ANO10: variants seen among roughly 807,000 people sequenced by gnomAD.
The protein encoded by ANO10 is anoctamin-10.
Under a neutral mutation model 74.7 loss-of-function variants are expected in ANO10, and 77 were observed. The observed-to-expected ratio is 1.03, with a 90% confidence interval of 0.86 to 1.25. The LOEUF (loss-of-function observed/expected upper bound fraction) is 1.25. ANO10 is among the 50% of genes most tolerant of loss of function. ANO10 has a pLI of 0.00. For synonymous variants in ANO10, 279 were observed against 284.9 expected (o/e 0.98, Z 0.21); for missense variants, 721 against 778.1 (o/e 0.93, Z 0.87).
chr3:43,689,411 T>G (rs1226305338), intron 1 of ANO10: 6 of 152,254 alleles, frequency 3.9e-5, no homozygotes, highest in Admixed American at 1.3e-4. Flanking sequence ...CTTTAGTTTC[T>G]CAGCTCCTTC....
At chr3:43,613,178 A>G (rs995806796) in intron 1 of ANO10, among the ~76,000 whole-genome samples, 1 of 152,164 alleles carries the variant, frequency 6.6e-6, no homozygotes, top group African/African-American at 2.4e-5. Flanking sequence ...TCTCAAAAAA[A>G]AAAAAAATCA....
At chr3:43,431,106 T>C (rs2092973662) in intron 12 of ANO10, among the ~76,000 whole-genome samples, 1 of 151,466 alleles carries the variant, frequency 6.6e-6, no homozygotes, top group African/African-American at 2.4e-5. Context: ...AAGGTCTCAC[T>C]CTGTTACCCA....
At chr3:43,531,350 T>C (rs189064849) in intron 11 of ANO10, among the ~76,000 whole-genome samples, 17 of 152,334 alleles carry the variant, frequency 1.1e-4, no homozygotes, top group Admixed American at 8.5e-4. Flanking sequence ...TAGTGGCTTA[T>C]AAATTATTCC....
intron 12 of ANO10, among the ~76,000 whole-genome samples, chr3:43,417,986 A>G (rs2092766690): frequency 6.6e-6 from 1 of 152,160 alleles, no homozygotes; most frequent in Non-Finnish European, 1.5e-5. Flanking sequence ...GTGGTAAAGA[A>G]TTGTAAGGAA....
At chr3:43,381,791 T>C (rs1575612088) in intron 12 of ANO10, among the ~76,000 whole-genome samples, 1 of 152,154 alleles carries the variant, frequency 6.6e-6, no homozygotes, top group Admixed American at 6.5e-5. Context: ...ACATGGAACA[T>C]TCTCCAAGAT....
intron 2 of ANO10, among the ~76,000 whole-genome samples, chr3:43,602,213 ACTT>A (rs1392924951): frequency 1.3e-5 from 2 of 152,074 alleles, no homozygotes; most frequent in Non-Finnish European, 2.9e-5. Flanking sequence ...CTCTCAATAA[ACTT>A]CTTGTTCATC....
intron 11 of ANO10, among the ~76,000 whole-genome samples, chr3:43,481,425 C>G (rs2076264854): frequency 6.6e-6 from 1 of 152,116 alleles, no homozygotes; most frequent in East Asian, 1.9e-4. Context: ...AAATTCTAAG[C>G]TCCCCATCTG....
chr3:43,625,179 GA>G (rs368070971), upstream of ANO10, among the ~76,000 whole-genome samples: 131 of 152,142 alleles, frequency 8.6e-4, 1 homozygote, highest in African/African-American at 2.6e-3. Flanking sequence ...CGGAGGGAGA[GA>G]AAAAAAGGAA....
At chr3:43,547,377 TAAA>T (rs941273397) in intron 11 of ANO10, among the ~76,000 whole-genome samples, 11 of 152,296 alleles carry the variant, frequency 7.2e-5, no homozygotes, top group African/African-American at 2.6e-4. Flanking sequence ...ATAGATGGCT[TAAA>T]ACAGCAGGAC....
chr3:43,515,533 C>T (rs1167343649), intron 11 of ANO10, among the ~76,000 whole-genome samples: 4 of 152,130 alleles, frequency 2.6e-5, no homozygotes, highest in Non-Finnish European at 5.9e-5. Context: ...AACCAATTCC[C>T]TATAATAAAT....
In ANO10 at chr3:43,566,977, G is replaced by A. The variant is rs543104045; in HGVS notation, c.1219-1250C>T. On this transcript the variant is annotated intron_variant, in intron 7 of 12. Coordinates refer to ENST00000292246, the MANE Select transcript of ANO10 (RefSeq NM_018075.5). ...CTATAACTAGAATAACCAATACAGAGAAGTGCTTAAAGGAGCTGATGGAGC... is the reference window on the plus strand; with the variant it reads ...CTATAACTAGAATAACCAATACAGAAAAGTGCTTAAAGGAGCTGATGGAGC... 3.9e-5 allele frequency among the ~76,000 whole-genome samples: 6 copies of A among 152,280 alleles called. No individual in the cohort carries two copies. The East Asian group carries it at 9.7e-4, about 24-fold the overall frequency.
At chr3:43,426,280 A>T (rs2092899316) in intron 12 of ANO10, among the ~76,000 whole-genome samples, 1 of 152,224 alleles carries the variant, frequency 6.6e-6, no homozygotes, top group African/African-American at 2.4e-5. Flanking sequence ...ATGGTCACTC[A>T]TATTGGCTTA....
chr3:43,469,341 C>T lies in ANO10; in HGVS notation c.1798-36614G>A, dbSNP rs7628427. On this transcript the variant is annotated intron_variant, in intron 11 of 12. Transcript: ENST00000292246. ...GATTACAGGCGTGAGCCACCATGCC[C>T]GGCCTAATCAGCTGCTTTTAGTGAT... Among the ~76,000 whole-genome samples, 1,375 of 152,226 alleles carry T rather than the reference C, an allele frequency of 9.0e-3. 19 individuals are homozygous for T. The highest frequency in any genetic ancestry group is 0.03 in the African/African-American group (1,250 of 41,526).
chr3:43,604,110 T>C (rs1478447256), intron 2 of ANO10, among the ~76,000 whole-genome samples: 3 of 152,184 alleles, frequency 2.0e-5, no homozygotes, highest in Non-Finnish European at 4.4e-5. Context: ...CATATAATAA[T>C]AGTATATATT....
intron 12 of ANO10, among the ~76,000 whole-genome samples, chr3:43,387,311 C>A (rs1052991492): frequency 6.6e-6 from 1 of 152,204 alleles, no homozygotes; most frequent in African/African-American, 2.4e-5. Context: ...TCACACAGTG[C>A]GTGACTGCAC....
At chr3:43,667,415 T>C (rs1018045006) in intron 1 of ANO10, among the ~76,000 whole-genome samples, 26 of 152,280 alleles carry the variant, frequency 1.7e-4, no homozygotes, top group African/African-American at 6.0e-4. Context: ...ATTTGTGTAG[T>C]TACACTATTG....
chr3:43,456,818 G>A (rs1053169414), intron 11 of ANO10, among the ~76,000 whole-genome samples: 4 of 152,200 alleles, frequency 2.6e-5, no homozygotes, highest in African/African-American at 9.7e-5. Context: ...TTGTGTAATT[G>A]AGGCGGTAGT....
chr3:43,469,894 T>C (rs2075783122), intron 11 of ANO10, among the ~76,000 whole-genome samples: 1 of 152,214 alleles, frequency 6.6e-6, no homozygotes, highest in Non-Finnish European at 1.5e-5. Flanking sequence ...GATCATCTGC[T>C]TTTGTGATGG....
At chr3:43,442,975 A>G (rs2093183129) in intron 11 of ANO10, among the ~76,000 whole-genome samples, 1 of 152,234 alleles carries the variant, frequency 6.6e-6, no homozygotes, top group Non-Finnish European at 1.5e-5. Context: ...GTGTGCCTCA[A>G]TAACATAATG....
Sources: allele counts gnomAD v4.1 joint callset (sites outside exome capture counted in the v4.1 genomes callset), GRCh38; gene constraint gnomAD v4.1.1; transcripts MANE v1.5; gene names NCBI Gene and HGNC (gene_info 2026-07-23, HGNC 2026-07-21).